The following PRKCH variants were observed in gnomAD, a reference collection of about 807,000 sequenced individuals.
The protein encoded by PRKCH is protein kinase C eta.
Under a neutral mutation model 82.5 loss-of-function variants are expected in PRKCH, and 28 were observed. That is an observed-to-expected ratio of 0.34 (90% CI 0.25 to 0.47). The LOEUF is 0.47. Among genes scored for constraint, PRKCH ranks in the 20% least tolerant of loss-of-function variants. The pLI is 1.00. For synonymous variants in PRKCH, 322 were observed against 327.4 expected, an observed-to-expected ratio of 0.98 and a Z score of 0.18; for missense variants, 705 against 881.8, an observed-to-expected ratio of 0.80 and a Z score of 2.54.
chr14:61,372,419 G>A (rs1208962669), intron 1 of PRKCH, among the ~76,000 whole-genome samples: 4 of 151,992 alleles, frequency 2.6e-5, no homozygotes, highest in East Asian at 1.9e-4. Context: ...TTTCAACTCC[G>A]ATACAGTGTT....
intron 1 of PRKCH, among the ~76,000 whole-genome samples, chr14:61,338,700 A>T (rs1261125355): frequency 6.6e-6 from 1 of 152,160 alleles, no homozygotes; most frequent in Non-Finnish European, 1.5e-5. Context: ...CTTGAGTTTA[A>T]GTTGCCATTT....
intron 1 of PRKCH, among the ~76,000 whole-genome samples, chr14:61,260,993 A>G (rs985654503): frequency 1.3e-5 from 2 of 152,202 alleles, no homozygotes; most frequent in Non-Finnish European, 2.9e-5. Flanking sequence ...TCAACTAATT[A>G]TCTTTAAGTT....
At chr14:61,260,878 A>G (rs190396450) in intron 1 of PRKCH, among the ~76,000 whole-genome samples, 4 of 152,348 alleles carry the variant, frequency 2.6e-5, no homozygotes, top group African/African-American at 9.6e-5. Flanking sequence ...GTACCCAAAC[A>G]ACTTCTGGTA....
At chr14:61,511,412 G>A (rs943870375) in intron 10 of PRKCH, among the ~76,000 whole-genome samples, 2 of 152,124 alleles carry the variant, frequency 1.3e-5, no homozygotes, top group Admixed American at 1.3e-4. Context: ...TGTCACACCT[G>A]GCTCCAGCCA....
chr14:61,546,470 A>G (rs1346113650), intron 12 of PRKCH, among the ~76,000 whole-genome samples: 1 of 152,176 alleles, frequency 6.6e-6, no homozygotes, highest in East Asian at 1.9e-4. Context: ...AGCATTTTAC[A>G]AGGTATATCC....
intron 1 of PRKCH, chr14:61,299,896 A>T (rs2045436459): frequency 6.6e-6 from 1 of 152,234 alleles, no homozygotes; most frequent in South Asian, 2.1e-4. Context: ...TGTGATCATA[A>T]ACCTATGCAT....
At chr14:61,338,313 T>C (rs1594925820) in intron 1 of PRKCH, among the ~76,000 whole-genome samples, 2 of 152,374 alleles carry the variant, frequency 1.3e-5, no homozygotes, top group East Asian at 3.9e-4. Context: ...CAAACACTTT[T>C]GCTAAAAGGT....
intron 1 of PRKCH, among the ~76,000 whole-genome samples, chr14:61,354,806 ATAAC>A (rs2046128075): frequency 6.6e-6 from 1 of 152,208 alleles, no homozygotes. Flanking sequence ...ACATCTCAGA[ATAAC>A]TAAGATTACT....
At chr14:61,362,297 C>T (rs1434763852) in intron 1 of PRKCH, among the ~76,000 whole-genome samples, 4 of 142,758 alleles carry the variant, frequency 2.8e-5, no homozygotes, top group African/African-American at 5.2e-5. Flanking sequence ...GCCAAGATTA[C>T]ATCACTGCAT....
At chr14:61,263,147 C>T (rs2140081131) in intron 1 of PRKCH, among the ~76,000 whole-genome samples, 1 of 152,284 alleles carries the variant, frequency 6.6e-6, no homozygotes, top group Middle Eastern at 3.4e-3. Flanking sequence ...CCAGTTATCT[C>T]CCTATTTGAT....
intron 10 of PRKCH, among the ~76,000 whole-genome samples, chr14:61,505,389 TCTTTTC>T (rs1456116869): frequency 3.2e-5 from 4 of 125,882 alleles, no homozygotes; most frequent in Admixed American, 2.9e-4. Context: ...TCTTTTCTTT[TCTTTTC>T]TTTTTTTTTT....
chr14:61,454,088 C>T (rs78840832), intron 7 of PRKCH, among the ~76,000 whole-genome samples: 9 of 147,478 alleles, frequency 6.1e-5, no homozygotes, highest in East Asian at 2.0e-4. Flanking sequence ...TCCTTTCTTT[C>T]CTTTTTTTTT....
At chr14:61,378,224 C>CTTTTTCTTTT (rs1555380855) in intron 1 of PRKCH, among the ~76,000 whole-genome samples, 1 of 139,476 alleles carries the variant, frequency 7.2e-6, no homozygotes, top group Non-Finnish European at 1.5e-5. Flanking sequence ...TTTTCTTTTT[C>CTTTTTCTTTT]TTTTTTTTTT....
intron 1 of PRKCH, among the ~76,000 whole-genome samples, chr14:61,254,828 T>A (rs1455047226): frequency 2.0e-5 from 3 of 152,190 alleles, no homozygotes; most frequent in Non-Finnish European, 4.4e-5. Context: ...CAAATCTCTT[T>A]TCTAGGGAGA....
intron 10 of PRKCH, among the ~76,000 whole-genome samples, chr14:61,513,041 C>A (rs962039219): frequency 3.9e-5 from 6 of 152,094 alleles, no homozygotes; most frequent in African/African-American, 1.2e-4. Flanking sequence ...CTGACACTTA[C>A]AGTAACAGTA....
chr14:61,473,292 G>A (rs1885585408), intron 9 of PRKCH, among the ~76,000 whole-genome samples: 1 of 152,196 alleles, frequency 6.6e-6, no homozygotes, highest in South Asian at 2.1e-4. Flanking sequence ...CTTTGCTGAG[G>A]AGCTTAGACT....
At chr14:61,383,984 C>T (rs879293033) in intron 1 of PRKCH, among the ~76,000 whole-genome samples, 2 of 152,052 alleles carry the variant, frequency 1.3e-5, no homozygotes, top group Admixed American at 1.3e-4. Flanking sequence ...CTCTCGGAGA[C>T]CAGCGGAGGC....
intron 1 of PRKCH, among the ~76,000 whole-genome samples, chr14:61,249,289 T>C (rs568681038): frequency 6.6e-6 from 1 of 152,286 alleles, no homozygotes; most frequent in South Asian, 2.1e-4. Flanking sequence ...GCTTCTCCTC[T>C]AACAATTATG....
At chr14:61,240,547 T>C (rs1003357932) in intron 1 of PRKCH, among the ~76,000 whole-genome samples, 1 of 152,214 alleles carries the variant, frequency 6.6e-6, no homozygotes, top group African/African-American at 2.4e-5. Flanking sequence ...TCTAGCCATC[T>C]GCATTTGCAT....
Sources: gnomAD v4.1 joint callset for allele counts (sites outside exome capture counted in the v4.1 genomes callset) on GRCh38, gnomAD v4.1.1 for gene constraint, MANE v1.5 for transcripts, NCBI Gene and HGNC (gene_info 2026-07-23, HGNC 2026-07-21) for gene names.